Variants in SLC2A10 observed in about 807,000 individuals in gnomAD.
The protein encoded by SLC2A10 is solute carrier family 2, facilitated glucose transporter member 10.
Under a neutral mutation model 32.1 loss-of-function variants are expected in SLC2A10, and 25 were observed. That is an observed-to-expected ratio of 0.78 (90% CI 0.57 to 1.09). The LOEUF (loss-of-function observed/expected upper bound fraction) is 1.09. SLC2A10 is among the 50% of genes least tolerant of loss of function. The pLI is 0.00. For missense variants in SLC2A10, 673 were observed against 686.5 expected, an observed-to-expected ratio of 0.98 and a Z score of 0.22; for synonymous variants, 332 against 309.6, an observed-to-expected ratio of 1.07 and a Z score of -0.76.
intron 4 of SLC2A10, among the ~76,000 whole-genome samples, chr20:46,731,646 CTA>C (rs1270108572): frequency 1.3e-5 from 2 of 152,038 alleles, no homozygotes; most frequent in African/African-American, 4.8e-5. Context: ...GCTGGGTCTG[CTA>C]TGACTCTGGA....
chr20:46,717,960 G>A (rs1404389285), intron 1 of SLC2A10, among the ~76,000 whole-genome samples: 1 of 152,096 alleles, frequency 6.6e-6, no homozygotes, highest in Non-Finnish European at 1.5e-5. Context: ...GGTGACTCAC[G>A]CCTGTAATCC....
rs769571922 is a variant in SLC2A10, at chr20:46,729,336, C to G, written c.1412-17C>G. 1 of 1,612,960 alleles carries G rather than the reference C, an allele frequency of 6.2e-7. No individual in the cohort carries two copies. The highest frequency in any genetic ancestry group is 8.5e-7 in the Non-Finnish European group (1 of 1,179,868). The stretch of plus-strand genomic sequence containing the variant: ...GTGCTTGGTCCTGGGCCTACACTCC[C>G]GCCCTCCTGTTTCCAGGCACCATCG... On this transcript the variant is annotated splice_polypyrimidine_tract_variant and intron_variant, in intron 3 of 4. Transcript: ENST00000359271.
At chr20:46,722,457 T>C (rs563117317) in intron 1 of SLC2A10, among the ~76,000 whole-genome samples, 10 of 152,370 alleles carry the variant, frequency 6.6e-5, no homozygotes, top group African/African-American at 2.2e-4. Flanking sequence ...CAGCTGATCA[T>C]GTCTTCAGAC....
Position 46,734,426 on chromosome 20 carries a change from A to C in SLC2A10, c.*592A>C, listed in dbSNP as rs1042830766. The C allele has an allele frequency of 6.1e-6, 1 of 164,090 alleles. No individual in the cohort carries two copies. Among genetic ancestry groups the C allele is most frequent in the African/African-American group, 2.4e-5 (1 of 41,428 alleles). The allele number at this position is 164,090 out of a possible 1,614,324, so 10.2% of individuals were successfully genotyped here. A position where few individuals can be genotyped will look rare whatever the true frequency, so the allele number is the denominator to read the frequency against. The stretch of plus-strand genomic sequence containing the variant: ...CCTAAGCAGCTGGGACTACAGGCGC[A>C]TGCAACCATACCCAGCTAATTTATT... On this transcript the variant is annotated 3_prime_UTR_variant, in exon 5 of 5. Transcript: ENST00000359271.
chr20:46,717,590 G>T (rs1363705283), intron 1 of SLC2A10, among the ~76,000 whole-genome samples: 1 of 152,074 alleles, frequency 6.6e-6, no homozygotes, highest in Admixed American at 6.6e-5. Flanking sequence ...TTGCCATGTT[G>T]GCCAGGCTGT....
chr20:46,729,856 T>C (rs1371056704), intron 4 of SLC2A10, among the ~76,000 whole-genome samples: 1 of 151,920 alleles, frequency 6.6e-6, no homozygotes, highest in African/African-American at 2.4e-5. Context: ...GGTCTCGATC[T>C]CCTGACCTCG....
chr20:46,720,880 T>C (rs1979512619), intron 1 of SLC2A10, among the ~76,000 whole-genome samples: 1 of 152,218 alleles, frequency 6.6e-6, no homozygotes, highest in African/African-American at 2.4e-5. Context: ...TCTATTGCTG[T>C]TTAACAAAAC....
chr20:46,717,291 T>G (rs533965706), intron 1 of SLC2A10, among the ~76,000 whole-genome samples: 1 of 152,196 alleles, frequency 6.6e-6, no homozygotes, highest in Non-Finnish European at 1.5e-5. Context: ...AGAAATATCC[T>G]GATAGCACAG....
rs756530921 is a variant in SLC2A10, at chr20:46,729,361, G to A, written c.1420G>A (p.Gly474Ser). The change falls in exon 4 of 5, where the codon GGC becomes AGC. Residue 474 changes from glycine to serine, a missense_variant. By Grantham distance (56) the Gly-to-Ser change is moderately conservative (BLOSUM62 0). Transcript: ENST00000359271. ...LSFLDLIGTI[G>S]LSWTFLLYGL... is the part of the protein sequence containing the mutation. Reference sequence around the variant, plus strand: ...CGCCCTCCTGTTTCCAGGCACCATCGGCTTGTCCTGGACCTTCCTGCTCTA... The same window carrying A: ...CGCCCTCCTGTTTCCAGGCACCATCAGCTTGTCCTGGACCTTCCTGCTCTA... 19 of 1,613,560 alleles carry A rather than the reference G, an allele frequency of 1.2e-5. No homozygotes were observed. Among genetic ancestry groups the A allele is most frequent in the African/African-American group, 2.7e-5 (2 of 74,892 alleles).
intron 4 of SLC2A10, among the ~76,000 whole-genome samples, chr20:46,733,541 A>G (rs1022115246): frequency 6.6e-6 from 1 of 152,176 alleles, no homozygotes; most frequent in Non-Finnish European, 1.5e-5. Flanking sequence ...ACAAGGGGCT[A>G]TAGGAGGCCA....
At chr20:46,710,891 T>A (rs1392364037) in intron 1 of SLC2A10, among the ~76,000 whole-genome samples, 2 of 152,134 alleles carry the variant, frequency 1.3e-5, no homozygotes, top group Non-Finnish European at 2.9e-5. Flanking sequence ...TTTTTTTCTT[T>A]TTTTTGAGAT....
intron 1 of SLC2A10, among the ~76,000 whole-genome samples, chr20:46,720,009 G>C (rs1979461965): frequency 6.6e-6 from 1 of 152,188 alleles, no homozygotes; most frequent in Non-Finnish European, 1.5e-5. Context: ...ACTGTGCTAA[G>C]CTGTCAACAC....
chr20:46,719,037 C>T (rs1015561139), intron 1 of SLC2A10, among the ~76,000 whole-genome samples: 51 of 152,232 alleles, frequency 3.4e-4, no homozygotes, highest in African/African-American at 9.6e-4. Context: ...CTGCTTTGGC[C>T]TCCCAAAGCG....
At position 46,709,705 on chromosome 20, in the gene SLC2A10, C is replaced by G; in HGVS notation, c.-32C>G. On this transcript the variant is annotated 5_prime_UTR_variant, in exon 1 of 5. Transcript: ENST00000359271. Reference sequence around the variant, plus strand: ...GGGGGATGCGCGCCCGGCCCCTCAGCGCCCCCAGCACGCCGCCGAGTCCCG... The same window carrying G: ...GGGGGATGCGCGCCCGGCCCCTCAGGGCCCCCAGCACGCCGCCGAGTCCCG... The G allele has an allele frequency of 6.5e-7, 1 of 1,539,856 alleles. No individual in the cohort carries two copies.
chr20:46,722,193 A>C (rs2123032299), intron 1 of SLC2A10, among the ~76,000 whole-genome samples: 1 of 152,168 alleles, frequency 6.6e-6, no homozygotes, highest in Non-Finnish European at 1.5e-5. Context: ...CTTATCTGTG[A>C]CATGGAGATA....
At chr20:46,731,586 G>A (rs1425752569) in intron 4 of SLC2A10, among the ~76,000 whole-genome samples, 2 of 152,138 alleles carry the variant, frequency 1.3e-5, no homozygotes, top group African/African-American at 4.8e-5. Flanking sequence ...GTGTCAGCCT[G>A]GACCTGGGGT....
Position 46,725,711 on chromosome 20 carries a change from C to T in SLC2A10, c.675C>T (p.Arg225=), listed in dbSNP as rs954404406. ...RYSFLDLFRA[R]DNMRGRTTVG... ...CCTTTCTGGACCTCTTCAGGGCACG[C>T]GATAACATGCGAGGCCGGACCACAG... The change falls in exon 2 of 5, where the codon CGC becomes CGT. Residue 225 remains arginine (R), a synonymous_variant. Transcript: ENST00000359271. The T allele has an allele frequency of 6.8e-6, 11 of 1,614,100 alleles. No homozygotes were observed. Among genetic ancestry groups the T allele is most frequent in the East Asian group, 2.2e-5 (1 of 44,874 alleles).
upstream of SLC2A10, chr20:46,709,416 C>A (rs73115554): frequency 0.036 from 15,233 of 417,440 alleles, 343 homozygotes; most frequent in Non-Finnish European, 0.045. Context: ...GTGTCCCCCC[C>A]AGGGGAGGAC....
chr20:46,709,662 G>A lies in SLC2A10; in HGVS notation c.-75G>A, dbSNP rs1386016088. ...GCCGGAAAGTTTGTCCGGCGGCAGCGGCGTTGGGGACTCCGGCGGGGGATG... is the reference window on the plus strand; with the variant it reads ...GCCGGAAAGTTTGTCCGGCGGCAGCAGCGTTGGGGACTCCGGCGGGGGATG... On this transcript the variant is annotated 5_prime_UTR_variant, in exon 1 of 5. Coordinates refer to ENST00000359271, the MANE Select transcript of SLC2A10 (RefSeq NM_030777.4). 3 of 1,511,918 alleles carry A rather than the reference G, an allele frequency of 2.0e-6. No individual in the cohort carries two copies. The highest frequency in any genetic ancestry group is 2.7e-6 in the Non-Finnish European group (3 of 1,128,592). The allele number at this position is 1,511,918 out of a possible 1,614,324, so 93.7% of individuals were successfully genotyped here.
Sources: allele counts gnomAD v4.1 joint callset (sites outside exome capture counted in the v4.1 genomes callset), GRCh38; gene constraint gnomAD v4.1.1; transcripts MANE v1.5; gene names NCBI Gene and HGNC (gene_info 2026-07-23, HGNC 2026-07-21).